The following BRD1 variants were observed in gnomAD, a reference collection of about 807,000 sequenced individuals.
BRD1 encodes the protein bromodomain containing 1, also known as bromodomain-containing protein 1.
BRD1 carries 24 observed loss-of-function variants against 107.7 expected under a neutral mutation model. The ratio of observed to expected loss-of-function variants is 0.22; its 90% CI spans 0.16 to 0.31. The LOEUF (loss-of-function observed/expected upper bound fraction) is 0.31, where lower values mean the gene tolerates loss of function less well. BRD1 is among the 10% of genes least tolerant of loss of function. The pLI, the probability that BRD1 is intolerant of heterozygous loss-of-function variation, is 1.00. For missense variants in BRD1, 1,279 were observed against 1,638.6 expected (o/e 0.78, Z 3.79); for synonymous variants, 744 against 686.1 (o/e 1.08, Z -1.32).
intron 8 of BRD1, among the ~76,000 whole-genome samples, chr22:49,782,124 A>ATCGTGCT: frequency 7.0e-6 from 1 of 142,794 alleles, no homozygotes; most frequent in Non-Finnish European, 1.5e-5. Context: ...CCCAAGGCCC[A>ATCGTGCT]GGCCAGACGC....
rs181199433 is a variant in BRD1 at position 49,822,656 on chromosome 22, G to C, written c.1367+295C>G. On this transcript the variant is annotated intron_variant, in intron 2 of 12. Transcript: ENST00000404760. ...ACCCAGGAGGCGGGGGTTGCAGTGA[G>C]CTGAGATTGCGCCACTATACTCCAG... 3.5e-3 allele frequency among the ~76,000 whole-genome samples: 537 copies of C among 152,082 alleles called. 5 individuals are homozygous for C. Among genetic ancestry groups the C allele is most frequent in the African/African-American group, 0.012 (501 of 41,474 alleles).
At chr22:49,798,508 A>G (rs1302787807) in intron 5 of BRD1, 50 bp downstream of exon 5, 2 of 1,613,994 alleles carry the variant, frequency 1.2e-6, no homozygotes, top group Non-Finnish European at 1.7e-6. Context: ...CGGCAGCACA[A>G]ATCCACAGTC....
chr22:49,797,695 A>G (rs1252174921), intron 6 of BRD1, 110 bp downstream of exon 6: 2 of 1,128,942 alleles, frequency 1.8e-6, no homozygotes, highest in Non-Finnish European at 2.4e-6. Flanking sequence ...ATGCGGTTGC[A>G]TGCTAGTGGC....
chr22:49,787,716 C>T lies in BRD1; in HGVS notation c.2531G>A (p.Ser844Asn), dbSNP rs1346246564. Residue 844 changes from serine to asparagine, a missense_variant, in exon 8 of 13, where the codon AGC (serine) becomes AAC (asparagine). Around this residue, in one of 7 missense-constraint regions of BRD1, gnomAD observed 406 missense variants for 519.4 expected, o/e 0.78. Transcript: ENST00000404760. ...TGGAGGGCGTCCGCTTACCAGTGCG[C>T]TCTGAGTGCAAGCGCTATGTGATTC... ...DNESHSACTQ[S>N]ALVSGRPPEP... 2 of 1,550,702 alleles carry T rather than the reference C, an allele frequency of 1.3e-6. No individual in the cohort carries two copies. The highest frequency in any genetic ancestry group is 2.0e-5 in the Admixed American group (1 of 50,996).
chr22:49,804,503 T>A, intron 2 of BRD1, 143 bp from the exon 3 acceptor site: 1 of 898,244 alleles, frequency 1.1e-6, no homozygotes, highest in Non-Finnish European at 1.6e-6. Flanking sequence ...ATTTCTACTA[T>A]CCCTAGTGCT....
chr22:49,824,857 A>G lies in BRD1; in HGVS notation c.-14-526T>C. 1 of 998,026 alleles carries G rather than the reference A, an allele frequency of 1.0e-6. No homozygotes were observed. Among genetic ancestry groups the G allele is most frequent in the Non-Finnish European group, 1.2e-6 (1 of 833,936 alleles). The allele number at this position is 998,026 out of a possible 1,614,324, so 61.8% of individuals were successfully genotyped here. A position where few individuals can be genotyped will look rare whatever the true frequency, so the allele number is the denominator to read the frequency against. ...CCACTACTCCCAGGAGAGCACTCCC[A>G]TGAGCCCAGAGTCACCACAGTCCTT... is the stretch of plus-strand genomic sequence containing the variant. On this transcript the variant is annotated intron_variant, in intron 1 of 12. Transcript: ENST00000404760. The surrounding 1 kb of genome is among the most constrained non-coding windows in gnomAD (Gnocchi z 5.9).
chr22:49,806,783 A>C (rs1056991814), intron 2 of BRD1: 1 of 152,216 alleles, frequency 6.6e-6, no homozygotes, highest in African/African-American at 2.4e-5. Flanking sequence ...GGATCACCTG[A>C]GGTCAGCAGT....
intron 12 of BRD1, chr22:49,775,332 A>G (rs1166208999): frequency 1.4e-5 from 4 of 294,030 alleles, no homozygotes; most frequent in Non-Finnish European, 1.3e-5. Flanking sequence ...AGTCCAGACC[A>G]ATGGGGCTCA....
chr22:49,819,057 A>G (rs1425622222), intron 2 of BRD1, among the ~76,000 whole-genome samples: 6 of 151,324 alleles, frequency 4.0e-5, no homozygotes, highest in Non-Finnish European at 8.8e-5. Flanking sequence ...CACGAGTTTG[A>G]GACCATCCTG....
At chr22:49,785,827 C>G (rs1316287943) in intron 8 of BRD1, among the ~76,000 whole-genome samples, 1 of 152,212 alleles carries the variant, frequency 6.6e-6, no homozygotes, top group Non-Finnish European at 1.5e-5. Flanking sequence ...GACGCATGAC[C>G]TGCTTGCTGG....
At chr22:49,808,842 G>A (rs2059795550) in intron 2 of BRD1, among the ~76,000 whole-genome samples, 1 of 152,174 alleles carries the variant, frequency 6.6e-6, no homozygotes, top group Non-Finnish European at 1.5e-5. Context: ...AAGTGAGCCG[G>A]GCGCAGTGGC....
chr22:49,804,091 C>A (rs373336371), intron 3 of BRD1, 113 bp downstream of exon 3: 1 of 913,390 alleles, frequency 1.1e-6, no homozygotes, highest in Non-Finnish European at 1.5e-6. Context: ...GGCTTCCCAA[C>A]GGGGAGCCTG....
At chr22:49,809,261 G>A (rs563676001) in intron 2 of BRD1, among the ~76,000 whole-genome samples, 2 of 152,078 alleles carry the variant, frequency 1.3e-5, no homozygotes, top group Non-Finnish European at 2.9e-5. Context: ...CCAGTTTTAG[G>A]CCAGGTGCAG....
At chr22:49,816,984 C>T (rs905484079) in intron 2 of BRD1, among the ~76,000 whole-genome samples, 10 of 152,222 alleles carry the variant, frequency 6.6e-5, no homozygotes, top group Non-Finnish European at 7.3e-5. Context: ...AGAGAACTGC[C>T]GGACCCCATT....
chr22:49,784,211 C>T (rs996197108), intron 8 of BRD1, among the ~76,000 whole-genome samples: 2 of 151,088 alleles, frequency 1.3e-5, no homozygotes, highest in East Asian at 3.9e-4. Flanking sequence ...GTCTCCGCAA[C>T]GGCGGTGAGT....
chr22:49,799,064 C>A lies in BRD1; in HGVS notation c.1580G>T (p.Arg527Leu), dbSNP rs1205877452. Residue 527 changes from arginine to leucine, a missense_variant, in exon 4 of 13, where the codon CGG becomes CTG. Arg to Leu is a moderately radical substitution (Grantham distance 102, BLOSUM62 -2). Transcript: ENST00000404760. Reference sequence around the variant, plus strand: ...AGCGCGCTCCAGGTCGTGCCGCAGCCGCTGCCAGTACTTCAGCTTCTCTTT... The same window carrying A: ...AGCGCGCTCCAGGTCGTGCCGCAGCAGCTGCCAGTACTTCAGCTTCTCTTT... The part of the protein sequence containing the change: ...AAKEKLKYWQ[R>L]LRHDLERARL... 12 of 1,611,132 alleles carry A rather than the reference C, an allele frequency of 7.4e-6. No homozygotes were observed. Among genetic ancestry groups the A allele is most frequent in the Non-Finnish European group, 1.0e-5 (12 of 1,179,976 alleles).
chr22:49,812,778 G>A (rs1367322868), intron 2 of BRD1, among the ~76,000 whole-genome samples: 7 of 152,058 alleles, frequency 4.6e-5, no homozygotes, highest in Non-Finnish European at 1.0e-4. Context: ...GACCTCACAC[G>A]CCAGGACCAT....
chr22:49,799,986 C>T (rs1305474765), intron 3 of BRD1, among the ~76,000 whole-genome samples: 2 of 152,202 alleles, frequency 1.3e-5, no homozygotes, highest in Non-Finnish European at 2.9e-5. Context: ...GCCCCCAACA[C>T]CTGTCATCCT....
Position 49,824,371 on chromosome 22 carries a change from TGACCAAA to T in BRD1, c.-14-47_-14-41del. 1 of 1,595,032 alleles carries T rather than the reference TGACCAAA, an allele frequency of 6.3e-7. No individual in the cohort carries two copies. The highest frequency in any genetic ancestry group is 8.5e-7 in the Non-Finnish European group (1 of 1,170,374). On this transcript the variant is annotated intron_variant, in intron 1 of 12. Transcript: ENST00000404760. This position sits in a 1 kb window ranked among gnomAD's most constrained non-coding sequence, Gnocchi z 5.9. ...AAAGTAAAGGTAATTCTACGCAGGG[TGACCAAA>T]GACTCGAGAAAACCACAAAAGCATG...
Sources: gnomAD v4.1 joint callset for allele counts (sites outside exome capture counted in the v4.1 genomes callset) on GRCh38, gnomAD v4.1.1 for gene constraint, gnomAD v4.1.1 regional missense constraint, Gnocchi (gnomAD v3.1) non-coding constraint, MANE v1.5 for transcripts, NCBI Gene and HGNC (gene_info 2026-07-23, HGNC 2026-07-21) for gene names.